DLGAP1: variants seen among roughly 807,000 people sequenced by gnomAD.
The protein encoded by DLGAP1 is disks large-associated protein 1.
DLGAP1 carries 11 observed loss-of-function variants against 90.8 expected under a neutral mutation model. The observed-to-expected ratio is 0.12, with a 90% CI of 0.08 to 0.20. DLGAP1 has a LOEUF of 0.20. Among genes scored for constraint, DLGAP1 ranks in the 10% least tolerant of loss-of-function variants. DLGAP1 has a pLI of 1.00. For synonymous variants in DLGAP1, 558 were observed against 540.7 expected, an observed-to-expected ratio of 1.03 and a Z score of -0.44; for missense variants, 1,050 against 1,333.8, an observed-to-expected ratio of 0.79 and a Z score of 3.31.
At chr18:4,246,823 G>T (rs2078662250) in intron 1 of DLGAP1, among the ~76,000 whole-genome samples, 1 of 152,134 alleles carries the variant, frequency 6.6e-6, no homozygotes, top group African/African-American at 2.4e-5. Flanking sequence ...TTTTCAATTT[G>T]TTGTGACATT....
chr18:3,639,359 G>GAGAAAAGAAAAGAAAAAAGAAA (rs2058838078), intron 7 of DLGAP1, among the ~76,000 whole-genome samples: 1 of 136,552 alleles, frequency 7.3e-6, no homozygotes, highest in African/African-American at 3.0e-5. Context: ...ATCTCAAAAA[G>GAGAAAAGAAAAGAAAAAAGAAA]AGAAAAGAAA....
At chr18:3,955,244 T>C (rs1335832884) in intron 3 of DLGAP1, among the ~76,000 whole-genome samples, 1 of 152,160 alleles carries the variant, frequency 6.6e-6, no homozygotes, top group Non-Finnish European at 1.5e-5. Context: ...AGCCTTATAT[T>C]GGGCATGCTC....
intron 5 of DLGAP1, among the ~76,000 whole-genome samples, chr18:3,787,530 T>C (rs1453929912): frequency 1.5e-5 from 2 of 137,400 alleles, no homozygotes; most frequent in Non-Finnish European, 3.1e-5. Context: ...TAGTGGAAAA[T>C]GAACTTCTAT....
chr18:3,885,473 A>T (rs2071285770), intron 3 of DLGAP1: 1 of 152,258 alleles, frequency 6.6e-6, no homozygotes, highest in African/African-American at 2.4e-5. Flanking sequence ...ACATGAAAAG[A>T]GATAAATAAC....
chr18:3,564,436 C>T (rs2054320801), intron 9 of DLGAP1, among the ~76,000 whole-genome samples: 1 of 152,142 alleles, frequency 6.6e-6, no homozygotes, highest in Admixed American at 6.5e-5. Context: ...AGGTTCTAGG[C>T]TCTGATAAAA....
chr18:4,198,763 T>C (rs2077550510), intron 1 of DLGAP1, among the ~76,000 whole-genome samples: 1 of 152,232 alleles, frequency 6.6e-6, no homozygotes, highest in Non-Finnish European at 1.5e-5. Flanking sequence ...ATATTCCTTG[T>C]AGGTGCATAT....
At chr18:4,347,800 T>TA (rs926028361) in intron 1 of DLGAP1, among the ~76,000 whole-genome samples, 86 of 152,124 alleles carry the variant, frequency 5.7e-4, no homozygotes, top group African/African-American at 1.5e-3. Context: ...CTGAAAGTGT[T>TA]AAAAAAATGC....
intron 2 of DLGAP1, among the ~76,000 whole-genome samples, chr18:4,128,209 CT>C (rs1363026888): frequency 2.0e-5 from 3 of 152,128 alleles, no homozygotes; most frequent in South Asian, 4.2e-4. Flanking sequence ...CAGATACAGA[CT>C]TTTTTTTCTT....
At chr18:4,166,600 C>A (rs1288859936) in intron 1 of DLGAP1, among the ~76,000 whole-genome samples, 1 of 152,206 alleles carries the variant, frequency 6.6e-6, no homozygotes, top group African/African-American at 2.4e-5. Flanking sequence ...TATTTGTATA[C>A]TACTGTTCAC....
chr18:4,224,573 C>A (rs1280146644), intron 1 of DLGAP1, among the ~76,000 whole-genome samples: 2 of 152,124 alleles, frequency 1.3e-5, no homozygotes, highest in Admixed American at 6.5e-5. Flanking sequence ...ATACAACCTG[C>A]AGGCCTGTGG....
At chr18:4,055,971 C>CA (rs2075208446) in intron 2 of DLGAP1, among the ~76,000 whole-genome samples, 1 of 152,152 alleles carries the variant, frequency 6.6e-6, no homozygotes, top group Non-Finnish European at 1.5e-5. Flanking sequence ...AAACGACTCT[C>CA]ACAGAGGAGG....
chr18:3,951,516 T>C (rs1227407010), intron 3 of DLGAP1, among the ~76,000 whole-genome samples: 1 of 152,244 alleles, frequency 6.6e-6, no homozygotes. Context: ...CTGAATTTAA[T>C]TTCAAATGTA....
chr18:4,330,453 A>G (rs530526588), intron 1 of DLGAP1, among the ~76,000 whole-genome samples: 5 of 151,874 alleles, frequency 3.3e-5, no homozygotes, highest in African/African-American at 1.2e-4. Context: ...TTAGACAGAA[A>G]CTTAGACCAT....
intron 1 of DLGAP1, among the ~76,000 whole-genome samples, chr18:4,343,376 G>A (rs1400388145): frequency 6.6e-6 from 1 of 151,884 alleles, no homozygotes; most frequent in Non-Finnish European, 1.5e-5. Context: ...AGATAAGCCT[G>A]AGTACAAATC....
chr18:3,704,939 C>A (rs2061387910), intron 7 of DLGAP1, among the ~76,000 whole-genome samples: 1 of 152,070 alleles, frequency 6.6e-6, no homozygotes, highest in African/African-American at 2.4e-5. Flanking sequence ...TGTAAAGAGA[C>A]AAGACATGAA....
At chr18:3,755,985 G>A (rs1598608179) in intron 5 of DLGAP1, among the ~76,000 whole-genome samples, 1 of 151,908 alleles carries the variant, frequency 6.6e-6, no homozygotes, top group South Asian at 2.1e-4. Context: ...TATAATAGAA[G>A]TAAACTGGAA....
At chr18:3,764,008 C>A (rs1017013944) in intron 5 of DLGAP1, among the ~76,000 whole-genome samples, 1 of 152,114 alleles carries the variant, frequency 6.6e-6, no homozygotes, top group Non-Finnish European at 1.5e-5. Context: ...CCTATTCTTG[C>A]CAGTTATGTG....
At chr18:4,134,884 A>C (rs2076375383) in intron 2 of DLGAP1, among the ~76,000 whole-genome samples, 1 of 152,038 alleles carries the variant, frequency 6.6e-6, no homozygotes, top group African/African-American at 2.4e-5. Context: ...ATGCCTTCCT[A>C]GAGAGGAAAA....
intron 7 of DLGAP1, among the ~76,000 whole-genome samples, chr18:3,712,891 G>A (rs2061641076): frequency 6.6e-6 from 1 of 152,214 alleles, no homozygotes; most frequent in Non-Finnish European, 1.5e-5. Context: ...CAGTTGGAAA[G>A]GCAAATTCGT....
Sources: allele counts gnomAD v4.1 joint callset (sites outside exome capture counted in the v4.1 genomes callset), GRCh38; gene constraint gnomAD v4.1.1; transcripts MANE v1.5; gene names NCBI Gene and HGNC (gene_info 2026-07-23, HGNC 2026-07-21).